The following GK5 variants were observed in gnomAD, a reference collection of about 807,000 sequenced individuals.
GK5 encodes the protein glycerol kinase 5, also known as ATP:glycerol 3-phosphotransferase 5.
In GK5, 39 loss-of-function variants were observed where a neutral mutation model predicts 77.3. The ratio of observed to expected loss-of-function variants is 0.50; its 90% CI spans 0.39 to 0.66. The LOEUF (loss-of-function observed/expected upper bound fraction) is 0.66, where lower values mean the gene tolerates loss of function less well. Among genes scored for constraint, GK5 ranks in the 30% least tolerant of loss-of-function variants. The pLI, the probability that GK5 is intolerant of heterozygous loss-of-function variation, is 0.00. For synonymous variants in GK5, 211 were observed against 208.0 expected, an observed-to-expected ratio of 1.01 and a Z score of -0.13; for missense variants, 487 against 633.8, an observed-to-expected ratio of 0.77 and a Z score of 2.49.
At chr3:142,205,095 T>C (rs1021792606) in intron 3 of GK5, among the ~76,000 whole-genome samples, 13 of 152,220 alleles carry the variant, frequency 8.5e-5, no homozygotes, top group African/African-American at 2.9e-4. Flanking sequence ...TCCCCTTTAC[T>C]GCACTTGTCC....
At chr3:142,215,482 C>A in intron 2 of GK5, 117 bp downstream of exon 2, 1 of 522,438 alleles carries the variant, frequency 1.9e-6, no homozygotes, top group South Asian at 3.5e-5. Flanking sequence ...AACTGTAATC[C>A]CAATAAAATA....
intron 15 of GK5, among the ~76,000 whole-genome samples, chr3:142,168,697 G>A (rs1280733479): frequency 3.9e-5 from 6 of 151,910 alleles, no homozygotes; most frequent in African/African-American, 7.3e-5. Context: ...AAAGCGATCT[G>A]TTCAAATGCA....
intron 4 of GK5, chr3:142,204,399 GC>G: frequency 2.6e-6 from 1 of 389,352 alleles, no homozygotes; most frequent in East Asian, 6.1e-5. Flanking sequence ...TGAAATTTGG[GC>G]ATTTCATTCA....
chr3:142,218,369 C>A (rs1361609935), intron 1 of GK5, among the ~76,000 whole-genome samples: 1 of 106,038 alleles, frequency 9.4e-6, no homozygotes, highest in Non-Finnish European at 1.8e-5. Context: ...TCCGTCTCTA[C>A]TAAAATACAA....
chr3:142,200,262 A>G (rs184308757), intron 4 of GK5, among the ~76,000 whole-genome samples: 1 of 152,268 alleles, frequency 6.6e-6, no homozygotes, highest in East Asian at 1.9e-4. Context: ...TCTGCCTCCC[A>G]GGTTCAAGCA....
intron 5 of GK5, among the ~76,000 whole-genome samples, chr3:142,195,313 G>A (rs2063918120): frequency 6.6e-6 from 1 of 151,898 alleles, no homozygotes; most frequent in South Asian, 2.1e-4. Flanking sequence ...GATTTGACTT[G>A]CTAATATTTT....
intron 5 of GK5, among the ~76,000 whole-genome samples, chr3:142,189,907 C>T (rs2063825209): frequency 6.6e-6 from 1 of 151,962 alleles, no homozygotes; most frequent in African/African-American, 2.4e-5. Context: ...CAGAATTTTA[C>T]AAATATAATA....
chr3:142,191,877 G>A (rs2063856529), intron 5 of GK5, among the ~76,000 whole-genome samples: 1 of 151,862 alleles, frequency 6.6e-6, no homozygotes, highest in African/African-American at 2.4e-5. Flanking sequence ...CACGCCTGTA[G>A]TCCCAGTTAC....
intron 5 of GK5, among the ~76,000 whole-genome samples, chr3:142,191,001 A>G (rs951100560): frequency 2.6e-5 from 4 of 152,206 alleles, no homozygotes; most frequent in African/African-American, 9.7e-5. Context: ...GTCAATTCAC[A>G]AAAAGTAACT....
chr3:142,185,728 T>C (rs2063761376), intron 9 of GK5: 2 of 1,532,816 alleles, frequency 1.3e-6, no homozygotes, highest in Non-Finnish European at 1.8e-6. Context: ...CATGATAGAA[T>C]ACTGGCTCAA....
At chr3:142,200,858 A>G (rs1030130869) in intron 4 of GK5, among the ~76,000 whole-genome samples, 2 of 152,220 alleles carry the variant, frequency 1.3e-5, no homozygotes, top group African/African-American at 2.4e-5. Flanking sequence ...AAATTGAACA[A>G]TATGGGCAGA....
chr3:142,195,819 T>C (rs1394831211), intron 5 of GK5, among the ~76,000 whole-genome samples: 1 of 152,234 alleles, frequency 6.6e-6, no homozygotes, highest in Admixed American at 6.5e-5. Flanking sequence ...AATGGAAGTA[T>C]AGTGGGGTAT....
intron 3 of GK5, among the ~76,000 whole-genome samples, chr3:142,205,741 A>C (rs1408136960): frequency 6.6e-6 from 1 of 152,200 alleles, no homozygotes; most frequent in East Asian, 1.9e-4. Flanking sequence ...TGTAAAAAAA[A>C]ATTGTGGCAA....
intron 5 of GK5, among the ~76,000 whole-genome samples, chr3:142,191,076 C>T (rs1342586984): frequency 6.6e-6 from 1 of 151,784 alleles, no homozygotes; most frequent in African/African-American, 2.4e-5. Context: ...AGAGTCTGGC[C>T]ATGTCACCCA....
intron 3 of GK5, among the ~76,000 whole-genome samples, chr3:142,211,444 C>T (rs2064187064): frequency 6.6e-6 from 1 of 152,078 alleles, no homozygotes; most frequent in South Asian, 2.1e-4. Flanking sequence ...GTGGAGTAAG[C>T]ACAGAGGAAC....
chr3:142,202,497 G>A (rs191922204), intron 4 of GK5, among the ~76,000 whole-genome samples: 55 of 152,330 alleles, frequency 3.6e-4, no homozygotes, highest in Non-Finnish European at 6.2e-4. Context: ...TTCACTGCCA[G>A]GACAGGCCCT....
chr3:142,189,796 A>G (rs2107781014), intron 5 of GK5, among the ~76,000 whole-genome samples: 1 of 152,384 alleles, frequency 6.6e-6, no homozygotes, highest in South Asian at 2.1e-4. Flanking sequence ...TCAATTATTA[A>G]GTTGGATTGA....
At chr3:142,213,674 A>G (rs1468127389) in intron 2 of GK5, 73 bp from the exon 3 acceptor site, 1 of 960,214 alleles carries the variant, frequency 1.0e-6, no homozygotes, top group African/African-American at 1.7e-5. Flanking sequence ...ACAATATAGA[A>G]AAAGAAATCC....
At chr3:142,198,061 T>C (rs1189142058) in intron 5 of GK5, among the ~76,000 whole-genome samples, 1 of 149,852 alleles carries the variant, frequency 6.7e-6, no homozygotes, top group Non-Finnish European at 1.5e-5. Context: ...TACACATTCA[T>C]GCCCTAAAAA....
Sources: gnomAD v4.1 joint callset for allele counts (sites outside exome capture counted in the v4.1 genomes callset) on GRCh38, gnomAD v4.1.1 for gene constraint, MANE v1.5 for transcripts, NCBI Gene and HGNC (gene_info 2026-07-23, HGNC 2026-07-21) for gene names.